Variants in THEMIS observed in about 807,000 individuals in gnomAD.
THEMIS encodes the protein protein THEMIS.
In THEMIS, 37 loss-of-function variants were observed where a neutral mutation model predicts 52.6. That is an observed-to-expected ratio of 0.70 (90% confidence interval 0.54 to 0.93). THEMIS has a LOEUF of 0.93. Among genes scored for constraint, THEMIS ranks in the 40% least tolerant of loss-of-function variants. The pLI is 0.00. For missense variants in THEMIS, 808 were observed against 763.1 expected (o/e 1.06, Z -0.69); for synonymous variants, 292 against 272.7 (o/e 1.07, Z -0.70).
chr6:127,700,482 T>C, the THEMIS span, among the ~76,000 whole-genome samples: 1 of 152,052 alleles, frequency 6.6e-6, no homozygotes, highest in Non-Finnish European at 1.5e-5. Flanking sequence ...CAGATTTTAC[T>C]TTGAATACTG....
chr6:127,856,228 T>C (rs1019112554), intron 1 of THEMIS, among the ~76,000 whole-genome samples: 1 of 152,150 alleles, frequency 6.6e-6, no homozygotes, highest in East Asian at 1.9e-4. Context: ...GTTCCTGATA[T>C]GTAGCATGCA....
intron 3 of THEMIS, among the ~76,000 whole-genome samples, chr6:127,817,120 A>G (rs1042294108): frequency 6.6e-6 from 1 of 151,990 alleles, no homozygotes; most frequent in Admixed American, 6.6e-5. Flanking sequence ...AACATTTTCT[A>G]TTTTTGTTTC....
intron 1 of THEMIS, among the ~76,000 whole-genome samples, chr6:127,879,704 G>A (rs142873725): frequency 6.6e-6 from 1 of 151,724 alleles, no homozygotes; most frequent in East Asian, 1.9e-4. Context: ...CGGGCAGGGT[G>A]TAGAAAAAGA....
Position 127,869,291 on chromosome 6 carries a change from A to G in THEMIS, c.92-14103T>C, listed in dbSNP as rs557479288. ...TGAACATCATAGCTTAGCCTAAACTACCTTAGACATGCTCAGAACGCGTAA... is the reference window on the plus strand; with the variant it reads ...TGAACATCATAGCTTAGCCTAAACTGCCTTAGACATGCTCAGAACGCGTAA... On this transcript the variant is annotated intron_variant, in intron 1 of 5. Transcript: ENST00000368248. 2.6e-5 allele frequency among the ~76,000 whole-genome samples: 4 copies of G among 152,286 alleles called. No homozygotes were observed. In the South Asian group the frequency reaches 8.3e-4, roughly 32 times the overall value.
At chr6:127,911,430 C>A (rs1295427642) in intron 1 of THEMIS, among the ~76,000 whole-genome samples, 1 of 149,598 alleles carries the variant, frequency 6.7e-6, no homozygotes, top group Non-Finnish European at 1.5e-5. Context: ...TATATATATC[C>A]ATGAATATTT....
chr6:127,786,848 G>A (rs773886074), intron 4 of THEMIS, among the ~76,000 whole-genome samples: 4 of 152,098 alleles, frequency 2.6e-5, no homozygotes, highest in Non-Finnish European at 5.9e-5. Flanking sequence ...GCTTTGTGAC[G>A]TTTTGAATTG....
chr6:127,816,909 T>G (rs1463159828), intron 3 of THEMIS, among the ~76,000 whole-genome samples: 1 of 152,204 alleles, frequency 6.6e-6, no homozygotes, highest in Non-Finnish European at 1.5e-5. Context: ...CCTCTGCCTG[T>G]TACATACTTC....
At position 127,832,777 on chromosome 6, in the gene THEMIS, C is replaced by CTTTTTTTTTTTTTTTTTTT. The variant is rs11355741; in HGVS notation, c.251-2862_251-2844dup. 6.7e-4 allele frequency among the ~76,000 whole-genome samples: 39 copies of CTTTTTTTTTTTTTTTTTTT among 57,806 alleles called. 9 individuals are homozygous for CTTTTTTTTTTTTTTTTTTT. The highest frequency in any genetic ancestry group is 1.6e-3 in the African/African-American group (21 of 13,098). The allele number at this position is 57,806 out of a possible 152,430, so 37.9% of individuals were successfully genotyped here. Reference sequence around the variant, plus strand: ...CTATTTCCACCTAGGATTGTCAGATCTTTTTTTTTTTTTTTTTTTTTTTTG... The same window carrying CTTTTTTTTTTTTTTTTTTT: ...CTATTTCCACCTAGGATTGTCAGATCTTTTTTTTTTTTTTTTTTTTTTTTTTTTTTTTTTTTTTTTTTTG... On this transcript the variant is annotated intron_variant, in intron 2 of 5. Transcript: ENST00000368248.
chr6:127,746,756 A>C (rs1444832942), intron 4 of THEMIS, among the ~76,000 whole-genome samples: 1 of 82,304 alleles, frequency 1.2e-5, no homozygotes, highest in African/African-American at 5.4e-5. Flanking sequence ...ATAATTATAT[A>C]TTATTATATA....
intron 4 of THEMIS, among the ~76,000 whole-genome samples, chr6:127,803,313 AC>A (rs1356513777): frequency 6.6e-6 from 1 of 152,016 alleles, no homozygotes; most frequent in African/African-American, 2.4e-5. Context: ...CCTTTTCATC[AC>A]CCGAAAATGT....
At chr6:127,742,050 C>T (rs1775220062) in intron 4 of THEMIS, among the ~76,000 whole-genome samples, 1 of 152,016 alleles carries the variant, frequency 6.6e-6, no homozygotes, top group Non-Finnish European at 1.5e-5. Flanking sequence ...GTGGCTCACA[C>T]CTGTAATCCC....
At chr6:127,755,955 A>C (rs1413064628) in intron 4 of THEMIS, among the ~76,000 whole-genome samples, 2 of 152,030 alleles carry the variant, frequency 1.3e-5, no homozygotes, top group Non-Finnish European at 2.9e-5. Context: ...TGAACCCAGG[A>C]GGCAGAAATT....
intron 4 of THEMIS, among the ~76,000 whole-genome samples, chr6:127,735,310 C>A (rs1263531768): frequency 7.0e-6 from 1 of 143,064 alleles, no homozygotes; most frequent in South Asian, 2.3e-4. Context: ...CAAATAGGGG[C>A]GTGTGTGCGT....
At chr6:127,788,565 TAAGAA>T (rs1777054521) in intron 4 of THEMIS, among the ~76,000 whole-genome samples, 1 of 152,220 alleles carries the variant, frequency 6.6e-6, no homozygotes, top group South Asian at 2.1e-4. Context: ...TTACGGACAG[TAAGAA>T]GGTACTCAAT....
chr6:127,832,775 A>ATTTTTTTTTTTTTTTTT (rs1251377975), intron 2 of THEMIS, among the ~76,000 whole-genome samples: 1 of 54,032 alleles, frequency 1.9e-5, no homozygotes, highest in African/African-American at 9.7e-5. Flanking sequence ...GGATTGTCAG[A>ATTTTTTTTTTTTTTTTT]TCTTTTTTTT....
Position 127,863,416 on chromosome 6 carries a change from T to G in THEMIS, c.92-8228A>C, listed in dbSNP as rs567897092. 2.6e-5 allele frequency among the ~76,000 whole-genome samples: 4 copies of G among 152,222 alleles called. No individual in the cohort carries two copies. In the South Asian group the frequency reaches 8.3e-4, roughly 31 times the overall value. ...TGCTTTACTTTTGAGCAGCTCTTAC[T>G]GTTAAAAATTTCTTCATTTTATTAA... is the stretch of plus-strand genomic sequence containing the variant. On this transcript the variant is annotated intron_variant, in intron 1 of 5. Transcript: ENST00000368248.
chr6:127,707,170 C>T (rs762645194), downstream of THEMIS, among the ~76,000 whole-genome samples: 9 of 152,040 alleles, frequency 5.9e-5, no homozygotes, highest in African/African-American at 1.2e-4. Flanking sequence ...GTCCCCATGA[C>T]TCAATTACCT....
chr6:127,859,802 T>C (rs970963948), intron 1 of THEMIS, among the ~76,000 whole-genome samples: 3 of 152,266 alleles, frequency 2.0e-5, no homozygotes, highest in Admixed American at 2.0e-4. Flanking sequence ...CCATCTGAGA[T>C]ATATTTTTAT....
intron 1 of THEMIS, among the ~76,000 whole-genome samples, chr6:127,906,761 T>A (rs1019944403): frequency 2.0e-5 from 3 of 151,994 alleles, no homozygotes; most frequent in African/African-American, 7.2e-5. Flanking sequence ...AGGACTTGGC[T>A]ATGAAATGAT....
Sources: allele counts gnomAD v4.1 joint callset (sites outside exome capture counted in the v4.1 genomes callset), GRCh38; gene constraint gnomAD v4.1.1; transcripts MANE v1.5; gene names NCBI Gene and HGNC (gene_info 2026-07-23, HGNC 2026-07-21).